The following CRACD variants were observed in gnomAD, a reference collection of about 807,000 sequenced individuals.
The protein encoded by CRACD is capping protein inhibiting regulator of actin dynamics.
CRACD carries 56 observed loss-of-function variants against 106.8 expected under a neutral mutation model. The ratio of observed to expected loss-of-function variants is 0.52; its 90% CI spans 0.42 to 0.66. The LOEUF (loss-of-function observed/expected upper bound fraction) is 0.66, where lower values mean the gene tolerates loss of function less well. CRACD is among the 30% of genes least tolerant of loss of function. The probability of loss-of-function intolerance (pLI) is 0.00; values close to 1 mark genes in which losing one functional copy is unlikely to be tolerated. For synonymous variants in CRACD, 754 were observed against 670.8 expected, an observed-to-expected ratio of 1.12 and a Z score of -1.92; for missense variants, 1,730 against 1,623.2, an observed-to-expected ratio of 1.07 and a Z score of -1.13.
intron 1 of CRACD, among the ~76,000 whole-genome samples, chr4:56,134,892 A>T (rs1734946313): frequency 6.6e-6 from 1 of 151,924 alleles, no homozygotes; most frequent in Non-Finnish European, 1.5e-5. Flanking sequence ...GTAGAACTTG[A>T]CCTGTATCTA....
At chr4:56,319,593 G>A (rs1745923606) in intron 8 of CRACD, among the ~76,000 whole-genome samples, 1 of 151,188 alleles carries the variant, frequency 6.6e-6, no homozygotes, top group Non-Finnish European at 1.5e-5. Context: ...GACAGAGTGA[G>A]ACCCTGTCTC....
At chr4:56,098,422 T>A (rs1733665051) in intron 1 of CRACD, among the ~76,000 whole-genome samples, 1 of 152,210 alleles carries the variant, frequency 6.6e-6, no homozygotes, top group African/African-American at 2.4e-5. Flanking sequence ...TTTACACTAC[T>A]TCGGGAAAAT....
At chr4:56,086,968 GCT>G (rs1286468781) in intron 1 of CRACD, among the ~76,000 whole-genome samples, 1 of 152,044 alleles carries the variant, frequency 6.6e-6, no homozygotes, top group Non-Finnish European at 1.5e-5. Context: ...CCACACAAAT[GCT>G]CTCTCTCCCT....
chr4:56,114,608 T>C (rs73240516), intron 1 of CRACD, among the ~76,000 whole-genome samples: 6,834 of 152,152 alleles, frequency 0.045, 222 homozygotes, highest in Middle Eastern at 0.16. Context: ...AAAATAACTT[T>C]CCTGGGGCAC....
At chr4:56,132,917 C>A (rs1449618906) in intron 1 of CRACD, among the ~76,000 whole-genome samples, 1 of 152,180 alleles carries the variant, frequency 6.6e-6, no homozygotes, top group Non-Finnish European at 1.5e-5. Context: ...TGCTACTTAG[C>A]TATTGGAGGT....
intron 1 of CRACD, among the ~76,000 whole-genome samples, chr4:56,086,708 A>C (rs1175752288): frequency 6.6e-6 from 1 of 151,904 alleles, no homozygotes; most frequent in Non-Finnish European, 1.5e-5. Flanking sequence ...CTTTCCCGGC[A>C]CCGCCCAGTG....
At chr4:56,222,202 T>C (rs1004540637) in intron 2 of CRACD, among the ~76,000 whole-genome samples, 4 of 152,320 alleles carry the variant, frequency 2.6e-5, no homozygotes, top group African/African-American at 9.6e-5. Flanking sequence ...CACAGAATAC[T>C]ACTCAGCCAT....
At chr4:56,200,758 G>T (rs944265604) in intron 2 of CRACD, among the ~76,000 whole-genome samples, 1 of 152,010 alleles carries the variant, frequency 6.6e-6, no homozygotes, top group African/African-American at 2.4e-5. Context: ...TAGAAAGTTC[G>T]CCTAAACCCT....
In CRACD at chr4:56,211,316, T is replaced by C. The variant is rs546586245; in HGVS notation, c.-189+31886T>C. ...CCAGTCACTTTGCAAGCTGGGAACC[T>C]CTGGCCAGCAATGCCCCTGCCCAGG... On this transcript the variant is annotated intron_variant, in intron 2 of 10. Coordinates refer to ENST00000682029, the MANE Select transcript of CRACD (RefSeq NM_001393381.1). Among the ~76,000 whole-genome samples the C allele has an allele frequency of 3.5e-4, 54 of 152,326 alleles. 1 individual carries two copies. The South Asian group carries it at 0.011, about 31-fold the overall frequency.
At chr4:56,125,409 A>G (rs1368885714) in intron 1 of CRACD, among the ~76,000 whole-genome samples, 1 of 151,850 alleles carries the variant, frequency 6.6e-6, no homozygotes, top group Admixed American at 6.6e-5. Flanking sequence ...TTTTTTTATT[A>G]AAAACAATTT....
At chr4:56,104,985 G>T (rs1277700039) in intron 1 of CRACD, among the ~76,000 whole-genome samples, 1 of 142,790 alleles carries the variant, frequency 7.0e-6, no homozygotes, top group Admixed American at 7.0e-5. Context: ...AAAAAAAAAA[G>T]CTAATAAAAC....
chr4:56,196,123 G>A (rs1737595582), intron 2 of CRACD, among the ~76,000 whole-genome samples: 1 of 152,148 alleles, frequency 6.6e-6, no homozygotes, highest in Admixed American at 6.6e-5. Context: ...TAGAGAGTGT[G>A]AAAAGCAATA....
At position 56,094,421 on chromosome 4, in the gene CRACD, CTT is replaced by C. The variant is rs1050719130; in HGVS notation, c.-336+45142_-336+45143del. 8.7e-3 allele frequency among the ~76,000 whole-genome samples: 1,017 copies of C among 116,966 alleles called. 1 individual carries two copies. Among genetic ancestry groups the C allele is most frequent in the African/African-American group, 0.031 (976 of 31,282 alleles). The allele number at this position is 116,966 out of a possible 152,430, so 76.7% of individuals were successfully genotyped here. On this transcript the variant is annotated intron_variant, in intron 1 of 10. Transcript: ENST00000682029. ...TGTATTCCATAGTTTCATATAGATT[CTT>C]TTTTTTTTTTTTTTTTTTTGAGACG... is the stretch of plus-strand genomic sequence containing the variant.
chr4:56,268,188 T>G (rs895188239), intron 2 of CRACD, among the ~76,000 whole-genome samples: 12 of 152,240 alleles, frequency 7.9e-5, no homozygotes, highest in African/African-American at 2.9e-4. Context: ...AAACTATAAT[T>G]TAATATCTTT....
chr4:56,274,489 G>A (rs946444024), intron 3 of CRACD, among the ~76,000 whole-genome samples: 2 of 152,170 alleles, frequency 1.3e-5, no homozygotes, highest in African/African-American at 2.4e-5. Context: ...GACCCTGGAG[G>A]TTCTCTTCCC....
chr4:56,308,248 A>G (rs925590186), intron 5 of CRACD, among the ~76,000 whole-genome samples: 1 of 152,184 alleles, frequency 6.6e-6, no homozygotes, highest in African/African-American at 2.4e-5. Flanking sequence ...GATAGAAGAC[A>G]TCAAACAGGC....
chr4:56,274,659 G>A lies in CRACD; in HGVS notation c.-17+2167G>A, dbSNP rs1196548237. ...GTCCACAAACCTGCATTTATGAGAC[G>A]TGTACTATATTTTAATTAAACCTTT... On this transcript the variant is annotated intron_variant, in intron 3 of 10. Transcript: ENST00000682029. 2.1e-5 allele frequency among the ~76,000 whole-genome samples: 3 copies of A among 143,454 alleles called. No individual in the cohort carries two copies. The East Asian group carries it at 6.0e-4, about 29-fold the overall frequency. The allele number at this position is 143,454 out of a possible 152,430, so 94.1% of individuals were successfully genotyped here.
Position 56,310,732 on chromosome 4 carries a change from A to G in CRACD, c.352A>G (p.Lys118Glu), listed in dbSNP as rs1745098569. The G allele has an allele frequency of 3.1e-6, 5 of 1,599,742 alleles. No individual in the cohort carries two copies. In the African/African-American group the frequency reaches 5.4e-5, roughly 17 times the overall value. Residue 118 changes from lysine to glutamate, a missense_variant and splice_region_variant, in exon 6 of 11, where the codon AAG becomes GAG. This residue lies in a region of CRACD where 1,620 missense variants were observed against 1,481.6 expected (regional missense o/e 1.09). Transcript: ENST00000682029. Reference sequence around the variant, plus strand: ...TGGAGCTGGAAGTGAGATGGAAGAGAAGGTAATATGATTTGAACTTATTTA... The same window carrying G: ...TGGAGCTGGAAGTGAGATGGAAGAGGAGGTAATATGATTTGAACTTATTTA... ...LPGAGSEMEE[K>E]VAPVKPSRPK...
intron 1 of CRACD, among the ~76,000 whole-genome samples, chr4:56,084,036 A>G (rs1375806323): frequency 6.6e-6 from 1 of 152,222 alleles, no homozygotes; most frequent in Non-Finnish European, 1.5e-5. Context: ...AATTGATTCA[A>G]CAGTGAGGTA....
Sources: gnomAD v4.1 joint callset for allele counts (sites outside exome capture counted in the v4.1 genomes callset) on GRCh38, gnomAD v4.1.1 for gene constraint, gnomAD v4.1.1 regional missense constraint, MANE v1.5 for transcripts, NCBI Gene and HGNC (gene_info 2026-07-23, HGNC 2026-07-21) for gene names.